EPB41L3: variants seen among roughly 807,000 people sequenced by gnomAD.
EPB41L3 encodes band 4.1-like protein 3.
A neutral mutation model predicts 127.1 loss-of-function variants in EPB41L3; 57 were observed. That is an observed-to-expected ratio of 0.45 (90% CI 0.36 to 0.56). The LOEUF is 0.56. Ranked by LOEUF, EPB41L3 falls within the 20% of genes least tolerant of loss-of-function variation. EPB41L3 has a pLI of 0.00. For missense variants in EPB41L3, 1,273 were observed against 1,372.2 expected (o/e 0.93, Z 1.14); for synonymous variants, 572 against 549.5 (o/e 1.04, Z -0.57).
At chr18:5,616,119 T>A (rs2094792004) in intron 1 of EPB41L3, among the ~76,000 whole-genome samples, 1 of 152,096 alleles carries the variant, frequency 6.6e-6, no homozygotes, top group African/African-American at 2.4e-5. Context: ...TATAGAACAA[T>A]GACAGCACCA....
At chr18:5,453,865 T>C (rs1208601413) in intron 3 of EPB41L3, among the ~76,000 whole-genome samples, 2 of 152,218 alleles carry the variant, frequency 1.3e-5, no homozygotes, top group Non-Finnish European at 2.9e-5. Context: ...TCTTCTCACA[T>C]TATTTTGGAC....
intron 16 of EPB41L3, among the ~76,000 whole-genome samples, chr18:5,402,532 C>T (rs1183300695): frequency 6.6e-6 from 1 of 152,084 alleles, no homozygotes; most frequent in Non-Finnish European, 1.5e-5. Context: ...AAAATATTAA[C>T]AGTGTCTACA....
intron 1 of EPB41L3, among the ~76,000 whole-genome samples, chr18:5,516,246 G>C (rs1165815474): frequency 6.6e-6 from 1 of 152,136 alleles, no homozygotes. Context: ...AACTTTCCAA[G>C]GGCTCATCTA....
intron 1 of EPB41L3, among the ~76,000 whole-genome samples, chr18:5,504,185 G>T (rs1163610411): frequency 2.0e-5 from 3 of 152,072 alleles, no homozygotes; most frequent in Non-Finnish European, 1.5e-5. Context: ...ACTCCAATCT[G>T]GACACCTATC....
chr18:5,504,285 T>C (rs2091978116), intron 1 of EPB41L3, among the ~76,000 whole-genome samples: 1 of 152,200 alleles, frequency 6.6e-6, no homozygotes, highest in Admixed American at 6.5e-5. Context: ...AACAGATTTT[T>C]TTTTTAATTT....
intron 1 of EPB41L3, among the ~76,000 whole-genome samples, chr18:5,510,827 C>T (rs1299337426): frequency 1.3e-5 from 2 of 152,114 alleles, no homozygotes; most frequent in Non-Finnish European, 2.9e-5. Flanking sequence ...CCCCATCACC[C>T]TCAAATTTTA....
chr18:5,468,259 G>A (rs1274848359), intron 3 of EPB41L3, among the ~76,000 whole-genome samples: 1 of 152,202 alleles, frequency 6.6e-6, no homozygotes, highest in Non-Finnish European at 1.5e-5. Context: ...ATGACATGTA[G>A]ATGGTGACAG....
At chr18:5,538,027 T>A (rs931182126) in intron 1 of EPB41L3, among the ~76,000 whole-genome samples, 17 of 152,232 alleles carry the variant, frequency 1.1e-4, no homozygotes, top group Admixed American at 5.2e-4. Flanking sequence ...TTATAAGAGA[T>A]AACATCATGT....
At position 5,447,472 on chromosome 18, in the gene EPB41L3, T is replaced by A. The variant is rs952020461; in HGVS notation, c.382-2228A>T. On this transcript the variant is annotated intron_variant, in intron 3 of 22. Transcript: ENST00000341928. ...ACTTTTTTTTTTTTTTTTTTTTTTT[T>A]ACCTACATACACACAACGTAGAAAA... Among the ~76,000 whole-genome samples the A allele has an allele frequency of 6.1e-5, 9 of 147,884 alleles. 1 individual carries two copies. Among genetic ancestry groups the A allele is most frequent in the Admixed American group, 5.4e-4 (8 of 14,906 alleles).
chr18:5,582,636 A>T (rs943157548), intron 3 of EPB41L3, among the ~76,000 whole-genome samples: 25 of 152,364 alleles, frequency 1.6e-4, no homozygotes, highest in African/African-American at 6.0e-4. Flanking sequence ...CATGAGTGCT[A>T]GAAAGGACTC....
rs994575461 is a variant in EPB41L3 at position 5,565,561 on chromosome 18, C to T, written c.-306+46779G>A. 3.3e-5 allele frequency among the ~76,000 whole-genome samples: 5 copies of T among 150,776 alleles called. No individual in the cohort carries two copies. The East Asian group carries it at 9.9e-4, about 30-fold the overall frequency. On this transcript the variant is annotated intron_variant, in intron 3 of 21. Transcript: ENST00000545076. ...TGTTGGTGTGCTGCACCCATTAACT[C>T]GTCATTTAACATTAGGTATATCTCC...
At chr18:5,533,658 C>A (rs901320618) in intron 1 of EPB41L3, among the ~76,000 whole-genome samples, 2 of 152,134 alleles carry the variant, frequency 1.3e-5, no homozygotes, top group Non-Finnish European at 2.9e-5. Flanking sequence ...TACTCTATTA[C>A]CGATCACAAA....
At chr18:5,548,296 A>C (rs1435108686), upstream of EPB41L3, among the ~76,000 whole-genome samples, 1 of 152,238 alleles carries the variant, frequency 6.6e-6, no homozygotes, top group Non-Finnish European at 1.5e-5. Context: ...GAATAGCTTT[A>C]AGTTTACAGC....
At chr18:5,629,582 C>T (rs1369090453), upstream of EPB41L3, among the ~76,000 whole-genome samples, 1 of 152,186 alleles carries the variant, frequency 6.6e-6, no homozygotes, top group African/African-American at 2.4e-5. Context: ...GAGGTTCGCA[C>T]CTTCCCGGAA....
At chr18:5,434,241 A>C in intron 6 of EPB41L3, 120 bp from the exon 7 acceptor site, 1 of 699,440 alleles carries the variant, frequency 1.4e-6, no homozygotes, top group East Asian at 2.7e-5. Context: ...TCTAGGATAA[A>C]TTTTCTAGCG....
At position 5,397,277 on chromosome 18, in the gene EPB41L3, C is replaced by T. The variant is rs372107087; in HGVS notation, c.2622G>A (p.Ala874=). 1.6e-5 allele frequency: 26 copies of T among 1,614,020 alleles called. No individual in the cohort carries two copies. The highest frequency in any genetic ancestry group is 6.7e-5 in the Admixed American group (4 of 60,004). ...VHASGDASYS[A]GDSGDAAAQP... ...GTGCTGCAGCATCCCCGCTGTCTCC[C>T]GCCGAGTAAGAAGCATCCCCACTCG... The change falls in exon 18 of 23, where the codon GCG becomes GCA. Residue 874 remains alanine (A), a synonymous_variant. Transcript: ENST00000341928. The surrounding 1 kb of genome is among the most constrained non-coding windows in gnomAD (Gnocchi z 4.1).
At chr18:5,480,874 T>C (rs901554123) in intron 2 of EPB41L3, 1 of 152,176 alleles carries the variant, frequency 6.6e-6, no homozygotes, top group Admixed American at 6.5e-5. Context: ...TTATCTCCCA[T>C]TTTCATGTTA....
At chr18:5,610,238 CAA>C in intron 3 of EPB41L3, 1 of 984,972 alleles carries the variant, frequency 1.0e-6, no homozygotes. Flanking sequence ...GAAGGGTGAG[CAA>C]AAAAGAGAGA....
chr18:5,538,995 ATTTTTTTTTT>A (rs757227800), intron 1 of EPB41L3, among the ~76,000 whole-genome samples: 5 of 115,198 alleles, frequency 4.3e-5, no homozygotes, highest in East Asian at 2.4e-4. Context: ...TTTCTCCAAG[ATTTTTTTTTT>A]TTTTTTTTTT....
Sources: gnomAD v4.1 joint callset for allele counts (sites outside exome capture counted in the v4.1 genomes callset) on GRCh38, gnomAD v4.1.1 for gene constraint, Gnocchi (gnomAD v3.1) non-coding constraint, MANE v1.5 for transcripts, NCBI Gene and HGNC (gene_info 2026-07-23, HGNC 2026-07-21) for gene names.